The following FCRL2 variants were observed in gnomAD, a reference collection of about 807,000 sequenced individuals.
FCRL2 encodes the protein Fc receptor like 2.
In FCRL2, 48 loss-of-function variants were observed where a neutral mutation model predicts 59.8. That is an observed-to-expected ratio of 0.80 (90% CI 0.64 to 1.02). The LOEUF is 1.02. FCRL2 is among the 50% of genes least tolerant of loss of function. The pLI, the probability that FCRL2 is intolerant of heterozygous loss-of-function variation, is 0.00. For synonymous variants in FCRL2, 251 were observed against 229.5 expected (o/e 1.09, Z -0.85); for missense variants, 658 against 597.3 (o/e 1.10, Z -1.06).
At chr1:157,768,755 G>A (rs1440426300) in intron 4 of FCRL2, 54 bp from the exon 5 acceptor site, 1 of 1,487,514 alleles carries the variant, frequency 6.7e-7, no homozygotes, top group Admixed American at 2.1e-5. Context: ...CTGGGAACAG[G>A]GTTTGACTGA....
Position 157,773,571 on chromosome 1 carries a change from G to A in FCRL2, c.52+2204C>T, listed in dbSNP as rs911349158. 3.3e-5 allele frequency among the ~76,000 whole-genome samples: 5 copies of A among 152,280 alleles called. No homozygotes were observed. The East Asian group carries it at 7.7e-4, about 23-fold the overall frequency. The stretch of plus-strand genomic sequence containing the variant: ...AAGTTGGTTCATAGTTTCATATCAG[G>A]GAACCCCAAAGAGTCATAATGGGTT... On this transcript the variant is annotated intron_variant, in intron 2 of 11. Coordinates refer to ENST00000361516, the MANE Select transcript of FCRL2 (RefSeq NM_030764.4).
In FCRL2 at chr1:157,767,412, A is replaced by G; in HGVS notation, c.981T>C (p.Ser327=). 1.2e-6 allele frequency: 2 copies of G among 1,614,190 alleles called. No individual in the cohort carries two copies. The highest frequency in any genetic ancestry group is 1.1e-5 in the South Asian group (1 of 91,080). ...GATAAAATTGGTACAAGATTGGGGG[A>G]GAGCCTCTCAGGGCCTCACAGTGAA... ...LELHCEALRG[S]PPILYQFYHE... is the part of the protein sequence containing the mutation. The change falls in exon 6 of 12, where the codon TCT becomes TCC. Residue 327 remains serine (S), a synonymous_variant. Coordinates refer to ENST00000361516, the MANE Select transcript of FCRL2 (RefSeq NM_030764.4).
chr1:157,773,123 T>C (rs955869640), intron 2 of FCRL2, among the ~76,000 whole-genome samples: 2 of 152,222 alleles, frequency 1.3e-5, no homozygotes, highest in Admixed American at 1.3e-4. Context: ...CTCAGCTATG[T>C]TTTGGAATTA....
chr1:157,776,197 A>G (rs1650398729), intron 1 of FCRL2, among the ~76,000 whole-genome samples: 1 of 152,182 alleles, frequency 6.6e-6, no homozygotes, highest in African/African-American at 2.4e-5. Context: ...GAAATCAACA[A>G]ATCAGTCTCT....
In FCRL2 at chr1:157,777,052, C is replaced by A; in HGVS notation, c.22G>T (p.Val8Phe). Residue 8 changes from valine (V) to phenylalanine (F), a missense_variant, in exon 1 of 12, where the codon GTC (valine) becomes TTC (phenylalanine). Coordinates refer to ENST00000361516, the MANE Select transcript of FCRL2 (RefSeq NM_030764.4). MLLWSLL[V>F]IFDAVTEQAD... ...AAATTATTGAACTCACCAAAGATGA[C>A]CAGCAATGACCACAGCAGCATGAGG... The A allele has an allele frequency of 6.2e-7, 1 of 1,614,038 alleles. No individual in the cohort carries two copies. The highest frequency in any genetic ancestry group is 1.1e-5 in the South Asian group (1 of 91,082).
At chr1:157,761,832 A>T (rs1244179009) in intron 7 of FCRL2, among the ~76,000 whole-genome samples, 2 of 152,208 alleles carry the variant, frequency 1.3e-5, no homozygotes, top group African/African-American at 2.4e-5. Context: ...ATGCCAAAAG[A>T]CACGGCAGCT....
Position 157,767,753 on chromosome 1 carries a change from C to T in FCRL2, c.884-244G>A, listed in dbSNP as rs557093594. On this transcript the variant is annotated intron_variant, in intron 5 of 11. Transcript: ENST00000361516. ...CTGTTGTTCTCATCTGATTGTTTTC[C>T]TGTGCCCATCCAGCCCTCTTCATAT... 198 of 1,446,822 alleles carry T rather than the reference C, an allele frequency of 1.4e-4. No individual in the cohort carries two copies. The African/African-American group carries it at 2.6e-3, about 19-fold the overall frequency. 89.6% of individuals were successfully genotyped at this position (1,446,822 alleles called of 1,614,324 possible). A position where few individuals can be genotyped will look rare whatever the true frequency, so the allele number is the denominator to read the frequency against.
intron 2 of FCRL2, among the ~76,000 whole-genome samples, chr1:157,775,121 A>G (rs1650305570): frequency 6.6e-6 from 1 of 152,232 alleles, no homozygotes; most frequent in Admixed American, 6.5e-5. Flanking sequence ...GGGTTGGCAA[A>G]TTATGGCCTG....
intron 7 of FCRL2, among the ~76,000 whole-genome samples, chr1:157,758,601 T>G (rs964990051): frequency 6.7e-6 from 1 of 150,342 alleles, no homozygotes. Flanking sequence ...ACCAATGACA[T>G]TGTTTGCAAA....
At chr1:157,757,684 T>C (rs12085831) in intron 7 of FCRL2, among the ~76,000 whole-genome samples, 2,697 of 152,284 alleles carry the variant, frequency 0.018, 69 homozygotes, top group African/African-American at 0.061. Context: ...TTTTGGGGGC[T>C]GGGCACGGAG....
In FCRL2 at chr1:157,746,471, T is replaced by A; in HGVS notation, c.*265A>T. 1 of 540,096 alleles carries A rather than the reference T, an allele frequency of 1.9e-6. No homozygotes were observed. Among genetic ancestry groups the A allele is most frequent in the South Asian group, 2.3e-5 (1 of 44,154 alleles). 33.5% of individuals were successfully genotyped at this position (540,096 alleles called of 1,614,324 possible). ...TCTTATTCATTCTTCCCTCAAATCT[T>A]TACACACTGATTGCTTAAGAGAAGG... On this transcript the variant is annotated 3_prime_UTR_variant, in exon 12 of 12. Coordinates refer to ENST00000361516, the MANE Select transcript of FCRL2 (RefSeq NM_030764.4).
intron 8 of FCRL2, among the ~76,000 whole-genome samples, chr1:157,749,374 T>C (rs1571248557): frequency 6.6e-6 from 1 of 152,104 alleles, no homozygotes; most frequent in Non-Finnish European, 1.5e-5. Context: ...TACTTATACA[T>C]TATAGGTATT....
At chr1:157,761,874 T>C (rs74119550) in intron 7 of FCRL2, among the ~76,000 whole-genome samples, 5,321 of 152,260 alleles carry the variant, frequency 0.035, 255 homozygotes, top group African/African-American at 0.11. Context: ...AAGGTAGATG[T>C]CTTCAAACTT....
At chr1:157,749,765 T>C (rs1392634132) in intron 7 of FCRL2, 88 bp from the exon 8 acceptor site, 6 of 970,364 alleles carry the variant, frequency 6.2e-6, no homozygotes, top group African/African-American at 1.6e-5. Flanking sequence ...TATAATCAGC[T>C]GGTAAGACAT....
chr1:157,773,004 C>T (rs1170158717), intron 2 of FCRL2, among the ~76,000 whole-genome samples: 1 of 152,132 alleles, frequency 6.6e-6, no homozygotes, highest in Non-Finnish European at 1.5e-5. Flanking sequence ...TGCACCACCT[C>T]GCTCCCTCCC....
intron 7 of FCRL2, among the ~76,000 whole-genome samples, chr1:157,751,698 A>G (rs888740938): frequency 6.6e-6 from 1 of 152,216 alleles, no homozygotes; most frequent in Non-Finnish European, 1.5e-5. Context: ...CTGAAGAGGT[A>G]TAGGGTTCCA....
intron 7 of FCRL2, among the ~76,000 whole-genome samples, chr1:157,766,454 G>C (rs892993226): frequency 6.6e-6 from 1 of 151,928 alleles, no homozygotes; most frequent in Non-Finnish European, 1.5e-5. Context: ...CTGGGCAACA[G>C]AGTGAGACTC....
In FCRL2 at chr1:157,754,832, G is replaced by A. The variant is rs140322120; in HGVS notation, c.1280-5155C>T. Reference sequence around the variant, plus strand: ...AATACAAAAATTAGCCAGTCACGGCGGTGCATGCCTGTGGTCCTAGCTACT... The same window carrying A: ...AATACAAAAATTAGCCAGTCACGGCAGTGCATGCCTGTGGTCCTAGCTACT... On this transcript the variant is annotated intron_variant, in intron 7 of 11. Coordinates refer to ENST00000361516, the MANE Select transcript of FCRL2 (RefSeq NM_030764.4). Among the ~76,000 whole-genome samples the A allele has an allele frequency of 3.7e-3, 564 of 151,988 alleles. 3 individuals carry two copies. The highest frequency in any genetic ancestry group is 0.011 in the African/African-American group (456 of 41,458).
At chr1:157,747,542 G>T (rs1647844190) in intron 10 of FCRL2, among the ~76,000 whole-genome samples, 1 of 152,190 alleles carries the variant, frequency 6.6e-6, no homozygotes, top group South Asian at 2.1e-4. Flanking sequence ...GCAAATCTAA[G>T]CAAGGCAGAC....
Sources: allele counts gnomAD v4.1 joint callset (sites outside exome capture counted in the v4.1 genomes callset), GRCh38; gene constraint gnomAD v4.1.1; transcripts MANE v1.5; gene names NCBI Gene and HGNC (gene_info 2026-07-23, HGNC 2026-07-21).